NEGR1: variants seen among roughly 807,000 people sequenced by gnomAD.
The protein encoded by NEGR1 is IgLON family member 4.
In NEGR1, 10 loss-of-function variants were observed where a neutral mutation model predicts 40.9. That is an observed-to-expected ratio of 0.24 (90% CI 0.15 to 0.42). The LOEUF (loss-of-function observed/expected upper bound fraction) is 0.42, where lower values mean the gene tolerates loss of function less well. NEGR1 is among the 10% of genes least tolerant of loss of function. The probability of loss-of-function intolerance (pLI) is 1.00; values close to 1 mark genes in which losing one functional copy is unlikely to be tolerated. For synonymous variants in NEGR1, 185 were observed against 166.8 expected, an observed-to-expected ratio of 1.11 and a Z score of -0.84; for missense variants, 352 against 438.9, an observed-to-expected ratio of 0.80 and a Z score of 1.77.
chr1:71,495,583 A>G (rs1318419689), intron 6 of NEGR1, among the ~76,000 whole-genome samples: 2 of 152,178 alleles, frequency 1.3e-5, no homozygotes, highest in African/African-American at 4.8e-5. Context: ...GGTCAACTGT[A>G]TACTGAATAT....
At chr1:72,252,255 G>A (rs1276527996) in intron 1 of NEGR1, among the ~76,000 whole-genome samples, 1 of 151,976 alleles carries the variant, frequency 6.6e-6, no homozygotes, top group African/African-American at 2.4e-5. Context: ...TGTGGGTCAG[G>A]CTGGTCTCAA....
At chr1:71,474,853 A>G (rs1272990282) in intron 6 of NEGR1, among the ~76,000 whole-genome samples, 1 of 152,038 alleles carries the variant, frequency 6.6e-6, no homozygotes, top group Non-Finnish European at 1.5e-5. Context: ...TTAACATTGC[A>G]TGCTCAAACG....
chr1:71,623,225 C>T (rs189614124), intron 4 of NEGR1, among the ~76,000 whole-genome samples: 37 of 151,928 alleles, frequency 2.4e-4, no homozygotes, highest in Admixed American at 1.2e-3. Flanking sequence ...CCTTCAGTTA[C>T]GTGACAGTGT....
At chr1:71,710,855 A>AT (rs1332896672) in intron 3 of NEGR1, among the ~76,000 whole-genome samples, 11 of 152,182 alleles carry the variant, frequency 7.2e-5, no homozygotes, top group African/African-American at 2.7e-4. Context: ...TAATAACTTA[A>AT]TTGTATATTT....
chr1:71,608,480 C>A (rs750789944), intron 5 of NEGR1, among the ~76,000 whole-genome samples: 1 of 137,552 alleles, frequency 7.3e-6, no homozygotes. Context: ...GAAAGTGGAC[C>A]GAGGATTACT....
At chr1:71,894,887 T>G (rs1319909048) in intron 2 of NEGR1, among the ~76,000 whole-genome samples, 1 of 152,100 alleles carries the variant, frequency 6.6e-6, no homozygotes, top group African/African-American at 2.4e-5. Flanking sequence ...CCACTGCACT[T>G]CAGCCTGGGC....
intron 3 of NEGR1, among the ~76,000 whole-genome samples, chr1:71,760,942 C>T (rs192184010): frequency 2.6e-5 from 4 of 152,286 alleles, no homozygotes; most frequent in African/African-American, 4.8e-5. Context: ...ACTGTAATGA[C>T]TTAAACTATT....
intron 1 of NEGR1, among the ~76,000 whole-genome samples, chr1:71,954,544 G>A (rs1166910264): frequency 4.0e-5 from 6 of 151,742 alleles, no homozygotes; most frequent in Admixed American, 3.3e-4. Context: ...CTGAAAAAAA[G>A]GAGGCTGCAG....
intron 3 of NEGR1, among the ~76,000 whole-genome samples, chr1:71,716,005 C>T (rs375272443): frequency 1.1e-4 from 16 of 152,006 alleles, no homozygotes; most frequent in East Asian, 3.9e-4. Flanking sequence ...AAAGAAATAC[C>T]GAAGACTGGG....
chr1:72,018,055 G>A (rs138202497), intron 1 of NEGR1, among the ~76,000 whole-genome samples: 111 of 152,120 alleles, frequency 7.3e-4, no homozygotes, highest in Non-Finnish European at 1.3e-3. Flanking sequence ...GCTCATTGAA[G>A]GCACTGAAAA....
chr1:72,124,274 T>C (rs1649920635), intron 1 of NEGR1, among the ~76,000 whole-genome samples: 1 of 151,944 alleles, frequency 6.6e-6, no homozygotes, highest in Admixed American at 6.6e-5. Flanking sequence ...CAGTGTGCCT[T>C]CTATGCTAAC....
chr1:72,057,379 G>A (rs1467688255), intron 1 of NEGR1, among the ~76,000 whole-genome samples: 1 of 151,464 alleles, frequency 6.6e-6, no homozygotes, highest in Admixed American at 6.6e-5. Context: ...AGTCCATGTA[G>A]CTGGATTCTC....
intron 6 of NEGR1, among the ~76,000 whole-genome samples, chr1:71,497,403 C>T (rs1246954544): frequency 1.3e-5 from 2 of 151,860 alleles, no homozygotes; most frequent in African/African-American, 2.4e-5. Context: ...GTGTATTTCT[C>T]TTTTAAACAG....
intron 4 of NEGR1, among the ~76,000 whole-genome samples, chr1:71,666,793 A>G (rs574083630): frequency 2.0e-5 from 3 of 152,280 alleles, no homozygotes; most frequent in East Asian, 3.9e-4. Flanking sequence ...ATCATACTTT[A>G]AAGTATAATT....
chr1:71,762,780 C>T (rs147890484), intron 3 of NEGR1, among the ~76,000 whole-genome samples: 60 of 152,130 alleles, frequency 3.9e-4, no homozygotes, highest in African/African-American at 1.3e-3. Flanking sequence ...GACAAAATTA[C>T]AGAATTGGAA....
At chr1:71,536,193 A>C (rs1178301687) in intron 6 of NEGR1, among the ~76,000 whole-genome samples, 2 of 151,716 alleles carry the variant, frequency 1.3e-5, no homozygotes, top group African/African-American at 2.4e-5. Flanking sequence ...TCCAATTATA[A>C]CATGGTGAAT....
At chr1:71,928,027 T>TAA (rs1553122056) in intron 2 of NEGR1, among the ~76,000 whole-genome samples, 24 of 77,458 alleles carry the variant, frequency 3.1e-4, no homozygotes, top group Non-Finnish European at 2.6e-4. Flanking sequence ...AATAAATAAA[T>TAA]ACACACACAC....
intron 4 of NEGR1, among the ~76,000 whole-genome samples, chr1:71,697,209 T>C (rs1653505362): frequency 6.6e-6 from 1 of 151,868 alleles, no homozygotes; most frequent in Non-Finnish European, 1.5e-5. Context: ...GTAAGTAGAA[T>C]TTTAAAAATG....
intron 1 of NEGR1, among the ~76,000 whole-genome samples, chr1:72,273,610 A>G (rs1484459675): frequency 2.0e-5 from 3 of 152,178 alleles, no homozygotes; most frequent in African/African-American, 7.2e-5. Context: ...ACGCAAGTAC[A>G]CACAAAATAG....
Sources: allele counts gnomAD v4.1 joint callset (sites outside exome capture counted in the v4.1 genomes callset), GRCh38; gene constraint gnomAD v4.1.1; transcripts MANE v1.5; gene names NCBI Gene and HGNC (gene_info 2026-07-23, HGNC 2026-07-21).